MKLN1: variants seen among roughly 807,000 people sequenced by gnomAD.
The protein encoded by MKLN1 is muskelin 1, also known as muskelin.
A neutral mutation model predicts 99.0 loss-of-function variants in MKLN1; 18 were observed. The observed-to-expected ratio is 0.18, with a 90% CI of 0.13 to 0.27. The LOEUF (loss-of-function observed/expected upper bound fraction) is 0.27. MKLN1 is among the 10% of genes least tolerant of loss of function. The pLI is 1.00. For missense variants in MKLN1, 621 were observed against 875.9 expected, an observed-to-expected ratio of 0.71 and a Z score of 3.67; for synonymous variants, 288 against 293.2, an observed-to-expected ratio of 0.98 and a Z score of 0.18.
At chr7:131,304,517 A>G (rs1798426424) in intron 3 of MKLN1, among the ~76,000 whole-genome samples, 1 of 152,212 alleles carries the variant, frequency 6.6e-6, no homozygotes. Flanking sequence ...TAGTTTCTTC[A>G]TCTGTTGCAT....
chr7:131,449,928 C>T (rs938795845), intron 12 of MKLN1, among the ~76,000 whole-genome samples: 1 of 152,142 alleles, frequency 6.6e-6, no homozygotes, highest in Non-Finnish European at 1.5e-5. Context: ...CATGGCTACC[C>T]TAGGAGTAGA....
intron 4 of MKLN1, among the ~76,000 whole-genome samples, chr7:131,394,082 G>A (rs962153566): frequency 6.6e-6 from 1 of 151,104 alleles, no homozygotes; most frequent in Admixed American, 6.6e-5. Flanking sequence ...TGATTTAGTA[G>A]ATAAACTTTT....
intron 9 of MKLN1, among the ~76,000 whole-genome samples, chr7:131,433,072 G>C (rs1795573680): frequency 6.6e-6 from 1 of 152,070 alleles, no homozygotes; most frequent in Admixed American, 6.6e-5. Flanking sequence ...TTTTTTATAG[G>C]CATCCCTTGT....
intron 1 of MKLN1, among the ~76,000 whole-genome samples, chr7:131,136,263 C>T (rs1795647450): frequency 6.6e-6 from 1 of 152,116 alleles, no homozygotes; most frequent in African/African-American, 2.4e-5. Context: ...GTGAGCAGCA[C>T]CAAGTCTGCC....
At chr7:131,202,408 C>A (rs1796744308) in intron 2 of MKLN1, among the ~76,000 whole-genome samples, 1 of 151,890 alleles carries the variant, frequency 6.6e-6, no homozygotes, top group South Asian at 2.1e-4. Context: ...AGCCACCATG[C>A]CCTGCCAAAT....
intron 3 of MKLN1, among the ~76,000 whole-genome samples, chr7:131,283,834 G>C (rs927370221): frequency 4.6e-5 from 7 of 152,130 alleles, no homozygotes; most frequent in African/African-American, 1.7e-4. Context: ...CTACACAATA[G>C]GCAAGTTTTG....
At chr7:131,364,252 C>T (rs188910) in intron 1 of MKLN1, among the ~76,000 whole-genome samples, 1 of 152,000 alleles carries the variant, frequency 6.6e-6, no homozygotes, top group South Asian at 2.1e-4. Flanking sequence ...ATACAATGTT[C>T]TTAGATTTTA....
At chr7:131,332,094 G>A (rs1799093657) in intron 1 of MKLN1, among the ~76,000 whole-genome samples, 1 of 151,908 alleles carries the variant, frequency 6.6e-6, no homozygotes, top group Admixed American at 6.6e-5. Flanking sequence ...AATAGAAGGT[G>A]AATTTATTTC....
intron 1 of MKLN1, among the ~76,000 whole-genome samples, chr7:131,354,661 T>C (rs1396313896): frequency 6.6e-6 from 1 of 152,144 alleles, no homozygotes. Context: ...ATTTTTGAAT[T>C]AGGGAGTGTC....
At chr7:131,309,343 A>G (rs1798520639) in intron 3 of MKLN1, among the ~76,000 whole-genome samples, 1 of 152,212 alleles carries the variant, frequency 6.6e-6, no homozygotes, top group Non-Finnish European at 1.5e-5. Context: ...TGAGGATTGC[A>G]ACTTAGTAAC....
chr7:131,366,453 G>T (rs1470293540), intron 1 of MKLN1, among the ~76,000 whole-genome samples: 1 of 152,088 alleles, frequency 6.6e-6, no homozygotes, highest in Non-Finnish European at 1.5e-5. Context: ...GCCCTTATCA[G>T]AAAAAATGTT....
chr7:131,314,912 C>T (rs1798636807), intron 3 of MKLN1, among the ~76,000 whole-genome samples: 1 of 152,098 alleles, frequency 6.6e-6, no homozygotes, highest in Non-Finnish European at 1.5e-5. Flanking sequence ...GCTGGGACTA[C>T]AGGCACACAC....
intron 1 of MKLN1, among the ~76,000 whole-genome samples, chr7:131,373,974 A>G (rs1303933640): frequency 6.6e-6 from 1 of 151,812 alleles, no homozygotes; most frequent in South Asian, 2.1e-4. Context: ...CATTTGTTTC[A>G]TTGACCTTTC....
chr7:131,206,547 ATTATTG>A (rs1322036515), intron 3 of MKLN1, among the ~76,000 whole-genome samples: 83 of 148,406 alleles, frequency 5.6e-4, no homozygotes, highest in African/African-American at 5.4e-4. Context: ...TATTATTATT[ATTATTG>A]TTATTATTAT....
intron 16 of MKLN1, among the ~76,000 whole-genome samples, chr7:131,473,984 A>G (rs1199598214): frequency 2.0e-5 from 3 of 152,120 alleles, no homozygotes; most frequent in African/African-American, 4.8e-5. Context: ...CTCCGTCTCT[A>G]CTAAAAATAC....
At chr7:131,454,552 T>C (rs774710755) in intron 12 of MKLN1, among the ~76,000 whole-genome samples, 4 of 152,226 alleles carry the variant, frequency 2.6e-5, no homozygotes, top group Admixed American at 6.5e-5. Context: ...GTTGTTTGCT[T>C]TCCCAAAAGT....
At chr7:131,469,097 AC>A (rs559625895) in intron 15 of MKLN1, among the ~76,000 whole-genome samples, 212 of 152,200 alleles carry the variant, frequency 1.4e-3, no homozygotes, top group Middle Eastern at 3.4e-3. Context: ...CCTACTGACT[AC>A]TGCTGACTTT....
intron 1 of MKLN1, among the ~76,000 whole-genome samples, chr7:131,112,945 A>C (rs995037003): frequency 6.6e-6 from 1 of 152,206 alleles, no homozygotes; most frequent in Non-Finnish European, 1.5e-5. Context: ...GAGAGAAAAG[A>C]CCTGACTTTG....
At chr7:131,174,704 G>A (rs1355286420) in intron 2 of MKLN1, among the ~76,000 whole-genome samples, 1 of 152,080 alleles carries the variant, frequency 6.6e-6, no homozygotes, top group Non-Finnish European at 1.5e-5. Flanking sequence ...GATCCTTTAA[G>A]AAAAATCTCC....
Sources: allele counts gnomAD v4.1 joint callset (sites outside exome capture counted in the v4.1 genomes callset), GRCh38; gene constraint gnomAD v4.1.1; transcripts MANE v1.5; gene names NCBI Gene and HGNC (gene_info 2026-07-23, HGNC 2026-07-21).